Variants in SLC33A1 observed in about 807,000 individuals in gnomAD.
The protein encoded by SLC33A1 is solute carrier family 33 member 1, also known as acetyl-coenzyme A transporter 1.
SLC33A1 carries 20 observed loss-of-function variants against 50.0 expected under a neutral mutation model. The observed-to-expected ratio is 0.40, with a 90% confidence interval of 0.28 to 0.58. The LOEUF (loss-of-function observed/expected upper bound fraction) is 0.58. Among genes scored for constraint, SLC33A1 ranks in the 20% least tolerant of loss-of-function variants. The pLI, the probability that SLC33A1 is intolerant of heterozygous loss-of-function variation, is 0.44. For missense variants in SLC33A1, 476 were observed against 657.0 expected, an observed-to-expected ratio of 0.72 and a Z score of 3.01; for synonymous variants, 265 against 251.8, an observed-to-expected ratio of 1.05 and a Z score of -0.50.
chr3:155,842,670 T>C, intron 1 of SLC33A1, 51 bp from the exon 2 acceptor site: 1 of 955,916 alleles, frequency 1.0e-6, no homozygotes, highest in South Asian at 1.7e-5. Flanking sequence ...ATAATTTCAT[T>C]GATACTAAAT....
intron 1 of SLC33A1, 36 bp downstream of exon 1, chr3:155,853,183 GATAA>G (rs750564254): frequency 6.4e-7 from 1 of 1,551,700 alleles, no homozygotes; most frequent in Non-Finnish European, 8.9e-7. Context: ...CTTTCAAAAG[GATAA>G]ATAAACCTAA....
At chr3:155,844,457 ATTTT>A (rs869180951) in intron 1 of SLC33A1, among the ~76,000 whole-genome samples, 133 of 33,378 alleles carry the variant, frequency 4.0e-3, no homozygotes, top group African/African-American at 0.011. Flanking sequence ...ATATATATAT[ATTTT>A]TTTTTTTTTT....
At chr3:155,840,121 C>T (rs1752868504) in intron 2 of SLC33A1, among the ~76,000 whole-genome samples, 1 of 151,574 alleles carries the variant, frequency 6.6e-6, no homozygotes, top group South Asian at 2.1e-4. Context: ...TGGAGTCTCA[C>T]TCTGTCACCC....
At chr3:155,834,531 A>C (rs1271102559) in intron 2 of SLC33A1, among the ~76,000 whole-genome samples, 1 of 152,176 alleles carries the variant, frequency 6.6e-6, no homozygotes, top group African/African-American at 2.4e-5. Flanking sequence ...GGGAAAACGT[A>C]TCTGAGAGAT....
chr3:155,834,186 ACAG>A (rs1313609092), intron 2 of SLC33A1, 145 bp from the exon 3 acceptor site: 14 of 659,732 alleles, frequency 2.1e-5, no homozygotes. Flanking sequence ...ACCTGGTACA[ACAG>A]TCAAGTTATA....
At position 155,853,578 on chromosome 3, in the gene SLC33A1, G is replaced by C; in HGVS notation, c.420C>G (p.Arg140=). The change falls in exon 1 of 6, where the codon CGC becomes CGG. Residue 140 remains arginine, a synonymous_variant. Coordinates refer to ENST00000643144, the MANE Select transcript of SLC33A1 (RefSeq NM_004733.4). Reference sequence around the variant, plus strand: ...ACTGTGTCGGGACAAGCCAAGATTTGCGACGACCGAAGTTCTTAACGTAGA... The same window carrying C: ...ACTGTGTCGGGACAAGCCAAGATTTCCGACGACCGAAGTTCTTAACGTAGA... The part of the protein sequence containing the change: ...DAVYVKNFGR[R]KSWLVPTQYI... The C allele has an allele frequency of 6.2e-7, 1 of 1,614,156 alleles. No individual in the cohort carries two copies.
chr3:155,853,962 C>G lies in SLC33A1; in HGVS notation c.36G>C (p.Arg12=), dbSNP rs957660828. The G allele has an allele frequency of 6.5e-6, 10 of 1,539,812 alleles. No individual in the cohort carries two copies. Among genetic ancestry groups the G allele is most frequent in the Middle Eastern group, 3.5e-4 (2 of 5,710 alleles). The stretch of plus-strand genomic sequence containing the variant: ...GACTGAAATTCCCTGGCCGCCGTTG[C>G]CGGCTGCTGTCCTTGTGGGAGATGG... The part of the protein sequence containing the change: ...SPTISHKDSS[R]QRRPGNFSHS... Residue 12 remains arginine, a synonymous_variant, in exon 1 of 6, where the codon CGG becomes CGC. Transcript: ENST00000643144.
chr3:155,828,346 G>T lies in SLC33A1; in HGVS notation c.1514C>A (p.Thr505Lys). Residue 505 changes from threonine (T) to lysine (K), a missense_variant, in exon 6 of 6, where the codon ACA becomes AAA. Transcript: ENST00000643144. ...LCKKLGGSCVTALDGYYVESI... is the reference protein window; with the variant it reads ...LCKKLGGSCVKALDGYYVESI... ...CTCCACATAATAACCATCCAGGGCT[G>T]TAACACATGAGCCACCCAGTTTTTT... 1 of 1,605,808 alleles carries T rather than the reference G, an allele frequency of 6.2e-7. No individual in the cohort carries two copies. Among genetic ancestry groups the T allele is most frequent in the Non-Finnish European group, 8.5e-7 (1 of 1,172,554 alleles).
rs2109297778 is a variant in SLC33A1 at position 155,824,393 on chromosome 3, C to T, written c.*3817G>A. On this transcript the variant is annotated 3_prime_UTR_variant, in exon 6 of 6. Coordinates refer to ENST00000643144, the MANE Select transcript of SLC33A1 (RefSeq NM_004733.4). ...ATGGTCTCAACCATTTAATACAAAG[C>T]AACATACTTTCTCAGGTTTCTGTTA... 1 of 152,090 alleles carries T rather than the reference C, an allele frequency of 6.6e-6. No individual in the cohort carries two copies. Among genetic ancestry groups the T allele is most frequent in the South Asian group, 2.1e-4 (1 of 4,814 alleles). 9.4% of individuals were successfully genotyped at this position (152,090 alleles called of 1,614,324 possible). A position where few individuals can be genotyped will look rare whatever the true frequency, so the allele number is the denominator to read the frequency against.
rs184820392 is a variant in SLC33A1 at position 155,835,501 on chromosome 3, G to A, written c.964-1460C>T. Among the ~76,000 whole-genome samples, 172 of 152,252 alleles carry A rather than the reference G, an allele frequency of 1.1e-3. 1 individual carries two copies. Among genetic ancestry groups the A allele is most frequent in the Admixed American group, 9.9e-3 (151 of 15,280 alleles). ...AGATAAGCAAGCTGGAAGCTTGCAC[G>A]GGGGAATGCCAGCAGCTGAACCAAC... On this transcript the variant is annotated intron_variant, in intron 2 of 5. Transcript: ENST00000643144.
chr3:155,835,769 C>T (rs1391170544), intron 2 of SLC33A1, among the ~76,000 whole-genome samples: 1 of 152,086 alleles, frequency 6.6e-6, no homozygotes, highest in Non-Finnish European at 1.5e-5. Context: ...ACTAGCTCAT[C>T]TAAAAAACCC....
chr3:155,845,600 G>A (rs1188486298), intron 1 of SLC33A1, among the ~76,000 whole-genome samples: 1 of 152,128 alleles, frequency 6.6e-6, no homozygotes, highest in East Asian at 1.9e-4. Context: ...TCCATCTCTC[G>A]CACATGCAGA....
intron 2 of SLC33A1, among the ~76,000 whole-genome samples, chr3:155,839,169 G>T (rs1172012340): frequency 6.6e-6 from 1 of 151,124 alleles, no homozygotes; most frequent in African/African-American, 2.4e-5. Flanking sequence ...AGGCATGGTG[G>T]TGCATGCCTG....
chr3:155,842,606 GA>G lies in SLC33A1; in HGVS notation c.788del (p.Phe263SerfsTer7). The G allele has an allele frequency of 5.2e-6, 8 of 1,533,490 alleles. No homozygotes were observed. Among genetic ancestry groups the G allele is most frequent in the East Asian group, 2.3e-5 (1 of 43,372 alleles). The allele number at this position is 1,533,490 out of a possible 1,614,324, so 95.0% of individuals were successfully genotyped here. On this transcript the variant is annotated frameshift_variant, in exon 2 of 6. Coordinates refer to ENST00000643144, the MANE Select transcript of SLC33A1 (RefSeq NM_004733.4). LOFTEE classifies it high-confidence loss of function. ...GIVTLSDFLF[F>X]WGTVFLITTT... Reference sequence around the variant, plus strand: ...TTGTTATTAAAAATACAGTTCCCCAGAAAAAAAGGAAATCTGAAAATGTTTT... The same window carrying G: ...TTGTTATTAAAAATACAGTTCCCCAGAAAAAAGGAAATCTGAAAATGTTTT...
Position 155,825,824 on chromosome 3 carries a change from A to C in SLC33A1, c.*2386T>G, listed in dbSNP as rs1752183892. The stretch of plus-strand genomic sequence containing the variant: ...CAAGAAAAACACCCACAACATAAAA[A>C]CAGGGTGGTATATTTTAGTACTACT... On this transcript the variant is annotated 3_prime_UTR_variant, in exon 6 of 6. Coordinates refer to ENST00000643144, the MANE Select transcript of SLC33A1 (RefSeq NM_004733.4). 1 of 152,174 alleles carries C rather than the reference A, an allele frequency of 6.6e-6. No homozygotes were observed. Among genetic ancestry groups the C allele is most frequent in the African/African-American group, 2.4e-5 (1 of 41,464 alleles). The allele number at this position is 152,174 out of a possible 1,614,324, so 9.4% of individuals were successfully genotyped here.
chr3:155,853,986 G>T lies in SLC33A1; in HGVS notation c.12C>A (p.Thr4=). Reference sequence around the variant, plus strand: ...GCCGGCTGCTGTCCTTGTGGGAGATGGTGGGTGACATATCAGAGACGATGC... The same window carrying T: ...GCCGGCTGCTGTCCTTGTGGGAGATTGTGGGTGACATATCAGAGACGATGC... MSP[T]ISHKDSSRQR... Residue 4 remains threonine (T), a synonymous_variant, in exon 1 of 6, where the codon ACC becomes ACA. Transcript: ENST00000643144. 6.5e-7 allele frequency: 1 copy of T among 1,544,838 alleles called. No homozygotes were observed. Among genetic ancestry groups the T allele is most frequent in the Non-Finnish European group, 8.7e-7 (1 of 1,151,544 alleles).
rs397991448 is a variant in SLC33A1, at chr3:155,831,457, CAAAAAAAAAAAAAAAAAA to C, written c.1267-1572_1267-1555del. 3.4e-4 allele frequency among the ~76,000 whole-genome samples: 16 copies of C among 46,714 alleles called. No homozygotes were observed. The South Asian group carries it at 6.5e-3, about 19-fold the overall frequency. 30.6% of individuals were successfully genotyped at this position (46,714 alleles called of 152,430 possible). ...TGGGCAACAGAGTGAGACTCTGTCT[CAAAAAAAAAAAAAAAAAA>C]AAAAAAAAAAAAAAAATTTGTTGAA... On this transcript the variant is annotated intron_variant, in intron 4 of 5. Transcript: ENST00000643144.
chr3:155,839,534 C>G (rs1752842312), intron 2 of SLC33A1, among the ~76,000 whole-genome samples: 1 of 151,812 alleles, frequency 6.6e-6, no homozygotes, highest in Non-Finnish European at 1.5e-5. Flanking sequence ...ATTTAACACA[C>G]TAACTATATC....
chr3:155,851,339 G>A (rs1251895433), intron 1 of SLC33A1, among the ~76,000 whole-genome samples: 1 of 152,026 alleles, frequency 6.6e-6, no homozygotes, highest in Non-Finnish European at 1.5e-5. Flanking sequence ...AATCTCCCGG[G>A]CTGAAGCAAT....
Sources: allele counts gnomAD v4.1 joint callset (sites outside exome capture counted in the v4.1 genomes callset), GRCh38; gene constraint gnomAD v4.1.1; transcripts MANE v1.5; gene names NCBI Gene and HGNC (gene_info 2026-07-23, HGNC 2026-07-21).